The following ZNF644 variants were observed in gnomAD, a reference collection of about 807,000 sequenced individuals.
The protein encoded by ZNF644 is zinc finger motif enhancer binding protein 2.
In ZNF644, 20 loss-of-function variants were observed where a neutral mutation model predicts 108.0. The observed-to-expected ratio is 0.19, with a 90% CI of 0.13 to 0.27. The LOEUF is 0.27. Ranked by LOEUF, ZNF644 falls within the 10% of genes least tolerant of loss-of-function variation. ZNF644 has a pLI of 1.00. For missense variants in ZNF644, 1,338 were observed against 1,548.9 expected, an observed-to-expected ratio of 0.86 and a Z score of 2.29; for synonymous variants, 542 against 539.1, an observed-to-expected ratio of 1.01 and a Z score of -0.08.
intron 1 of ZNF644, among the ~76,000 whole-genome samples, chr1:90,997,535 A>G (rs1294239656): frequency 6.6e-6 from 1 of 152,182 alleles, no homozygotes; most frequent in Non-Finnish European, 1.5e-5. Flanking sequence ...GCAGTATTCA[A>G]CAAAAAATTA....
At chr1:91,014,570 C>A (rs1362333644) in intron 1 of ZNF644, among the ~76,000 whole-genome samples, 1 of 152,124 alleles carries the variant, frequency 6.6e-6, no homozygotes, top group African/African-American at 2.4e-5. Context: ...CTGTAGCAAT[C>A]CAAATCCCAT....
At chr1:90,941,837 A>C (rs1652028798) in intron 2 of ZNF644, among the ~76,000 whole-genome samples, 1 of 152,182 alleles carries the variant, frequency 6.6e-6, no homozygotes. Flanking sequence ...CCATTCAGTA[A>C]ATAACTTTAT....
intron 1 of ZNF644, among the ~76,000 whole-genome samples, chr1:90,988,351 G>A (rs991606711): frequency 7.2e-5 from 11 of 152,094 alleles, no homozygotes; most frequent in Admixed American, 2.0e-4. Flanking sequence ...CAACAGACTT[G>A]TACACTGAAA....
chr1:90,917,990 G>C, intron 5 of ZNF644, 62 bp downstream of exon 5: 1 of 1,337,744 alleles, frequency 7.5e-7, no homozygotes, highest in Non-Finnish European at 1.1e-6. Context: ...AAATGAAATA[G>C]CTAATATGTT....
chr1:90,963,818 T>C lies in ZNF644; in HGVS notation c.44+18492A>G, dbSNP rs1654572932. ...GAGACATAGGGGGTTTCTGGGTTGC[T>C]GGCAGTATTCTATTTCTCGATCTGT... On this transcript the variant is annotated intron_variant, in intron 2 of 5. Transcript: ENST00000337393. 3.3e-5 allele frequency among the ~76,000 whole-genome samples: 5 copies of C among 152,274 alleles called. 1 individual carries two copies. In the South Asian group the frequency reaches 1.0e-3, roughly 32 times the overall value.
intron 2 of ZNF644, among the ~76,000 whole-genome samples, chr1:90,966,867 C>G (rs1243606264): frequency 6.6e-6 from 1 of 151,580 alleles, no homozygotes; most frequent in Non-Finnish European, 1.5e-5. Context: ...GTGATAGGAG[C>G]ACTTTGGGAG....
chr1:91,009,781 GTTT>G (rs1292014914), intron 1 of ZNF644, among the ~76,000 whole-genome samples: 1 of 152,084 alleles, frequency 6.6e-6, no homozygotes, highest in Non-Finnish European at 1.5e-5. Context: ...GGCCAAGCCA[GTTT>G]TTTTAAGAAA....
chr1:91,007,094 T>C (rs1659498001), intron 1 of ZNF644, among the ~76,000 whole-genome samples: 1 of 152,110 alleles, frequency 6.6e-6, no homozygotes, highest in Non-Finnish European at 1.5e-5. Context: ...GTGTCTGAAA[T>C]TTCACCATGA....
At chr1:91,007,941 T>TA (rs1199413228) in intron 1 of ZNF644, among the ~76,000 whole-genome samples, 4 of 152,182 alleles carry the variant, frequency 2.6e-5, no homozygotes, top group African/African-American at 9.6e-5. Context: ...TCTTAATGAG[T>TA]AGACATACTG....
intron 1 of ZNF644, among the ~76,000 whole-genome samples, chr1:91,008,271 A>G (rs1659631180): frequency 6.6e-6 from 1 of 152,182 alleles, no homozygotes; most frequent in Admixed American, 6.5e-5. Context: ...TCCTGAAACC[A>G]TGAGTGTTGC....
At chr1:90,949,660 T>A (rs1440591491) in intron 2 of ZNF644, among the ~76,000 whole-genome samples, 1 of 152,180 alleles carries the variant, frequency 6.6e-6, no homozygotes, top group Non-Finnish European at 1.5e-5. Flanking sequence ...TAACAACTAT[T>A]TGGCATTTAC....
At chr1:90,926,231 C>T (rs1486727420) in intron 4 of ZNF644, among the ~76,000 whole-genome samples, 1 of 152,146 alleles carries the variant, frequency 6.6e-6, no homozygotes, top group Admixed American at 6.5e-5. Flanking sequence ...CACCTTTTGA[C>T]ATGTAAACCT....
At chr1:90,972,496 G>T (rs577169904) in intron 2 of ZNF644, among the ~76,000 whole-genome samples, 164 of 152,288 alleles carry the variant, frequency 1.1e-3, no homozygotes, top group South Asian at 7.3e-3. Context: ...AGAGAAACAG[G>T]AACATTTGTG....
At chr1:90,979,956 T>C (rs892320674) in intron 2 of ZNF644, among the ~76,000 whole-genome samples, 3 of 152,180 alleles carry the variant, frequency 2.0e-5, no homozygotes, top group African/African-American at 7.2e-5. Context: ...TATTTCTCTT[T>C]CTAAAATGTC....
At chr1:91,004,838 A>G (rs1659254330) in intron 1 of ZNF644, among the ~76,000 whole-genome samples, 5 of 152,178 alleles carry the variant, frequency 3.3e-5, no homozygotes, top group African/African-American at 2.4e-5. Context: ...CTAAAAGTAT[A>G]CAGTACAAAA....
chr1:90,969,313 A>G (rs141785198), intron 2 of ZNF644, among the ~76,000 whole-genome samples: 148 of 152,274 alleles, frequency 9.7e-4, no homozygotes, highest in Non-Finnish European at 1.7e-3. Context: ...CCTCAGGAGA[A>G]GCCAAGCCTG....
intron 2 of ZNF644, 74 bp from the exon 3 acceptor site, chr1:90,941,383 G>A (rs1651968923): frequency 2.2e-6 from 3 of 1,341,840 alleles, no homozygotes; most frequent in Admixed American, 2.3e-5. Flanking sequence ...AGAGTTGAAA[G>A]TACATATTTT....
chr1:90,997,372 T>A (rs1228316307), intron 1 of ZNF644, among the ~76,000 whole-genome samples: 1 of 152,076 alleles, frequency 6.6e-6, no homozygotes, highest in Non-Finnish European at 1.5e-5. Context: ...AGCTGACCAC[T>A]AAGCCAACTG....
In ZNF644 at chr1:90,964,271, A is replaced by C. The variant is rs560621947; in HGVS notation, c.44+18039T>G. ...GTTTATATAAGAGAAAATAAAATACATATCTTGGAAAACATTAATTACTAT... is the reference window on the plus strand; with the variant it reads ...GTTTATATAAGAGAAAATAAAATACCTATCTTGGAAAACATTAATTACTAT... On this transcript the variant is annotated intron_variant, in intron 2 of 5. Coordinates refer to ENST00000337393, the MANE Select transcript of ZNF644 (RefSeq NM_201269.3). 2.6e-5 allele frequency among the ~76,000 whole-genome samples: 4 copies of C among 152,134 alleles called. No individual in the cohort carries two copies. The East Asian group carries it at 5.8e-4, about 22-fold the overall frequency.
Sources: gnomAD v4.1 joint callset for allele counts (sites outside exome capture counted in the v4.1 genomes callset) on GRCh38, gnomAD v4.1.1 for gene constraint, MANE v1.5 for transcripts, NCBI Gene and HGNC (gene_info 2026-07-23, HGNC 2026-07-21) for gene names.